Variants in SLC8A1 observed in about 807,000 individuals in gnomAD.
SLC8A1 encodes the protein sodium/calcium exchanger 1.
Under a neutral mutation model 68.3 loss-of-function variants are expected in SLC8A1, and 18 were observed. The ratio of observed to expected loss-of-function variants is 0.26; its 90% CI spans 0.18 to 0.39. The LOEUF is 0.39. Ranked by LOEUF, SLC8A1 falls within the 10% of genes least tolerant of loss-of-function variation. The pLI, the probability that SLC8A1 is intolerant of heterozygous loss-of-function variation, is 1.00. For missense variants in SLC8A1, 985 were observed against 1,156.7 expected, an observed-to-expected ratio of 0.85 and a Z score of 2.15; for synonymous variants, 475 against 415.5, an observed-to-expected ratio of 1.14 and a Z score of -1.74.
At chr2:40,127,008 T>G (rs1435527804) in intron 7 of SLC8A1, among the ~76,000 whole-genome samples, 1 of 152,208 alleles carries the variant, frequency 6.6e-6, no homozygotes, top group Admixed American at 6.5e-5. Flanking sequence ...TTTGTTTTAA[T>G]TTTTTAAATG....
intron 2 of SLC8A1, among the ~76,000 whole-genome samples, chr2:40,287,042 G>T (rs536754587): frequency 3.3e-5 from 5 of 152,086 alleles, no homozygotes; most frequent in African/African-American, 1.2e-4. Context: ...GGAGTAACAG[G>T]TCACCTACCT....
chr2:40,192,124 G>C (rs1028007422), intron 2 of SLC8A1, among the ~76,000 whole-genome samples: 1 of 152,018 alleles, frequency 6.6e-6, no homozygotes, highest in Non-Finnish European at 1.5e-5. Flanking sequence ...CACACTTTAA[G>C]CATTTTCACA....
intron 7 of SLC8A1, among the ~76,000 whole-genome samples, chr2:40,124,412 T>C (rs1207357105): frequency 6.6e-6 from 1 of 152,194 alleles, no homozygotes; most frequent in African/African-American, 2.4e-5. Flanking sequence ...CTATTAAAAG[T>C]AGGCCACTGC....
chr2:40,180,271 T>C (rs1328782481), intron 2 of SLC8A1, among the ~76,000 whole-genome samples: 1 of 152,212 alleles, frequency 6.6e-6, no homozygotes, highest in African/African-American at 2.4e-5. Context: ...TAAACTAGAA[T>C]ATTTAATTTT....
At chr2:40,393,872 T>G (rs1347564613) in intron 2 of SLC8A1, among the ~76,000 whole-genome samples, 3 of 152,126 alleles carry the variant, frequency 2.0e-5, no homozygotes, top group African/African-American at 7.2e-5. Context: ...CAGCTTTTAT[T>G]TTTATGCCTA....
In SLC8A1 at chr2:40,359,790, G is replaced by T. The variant is rs551478967; in HGVS notation, c.1808+68683C>A. ...GAGGCATGGATTCATTGCAGTAGGG[G>T]TACAAAGTAAGAAGCAAGTGTGTGC... On this transcript the variant is annotated intron_variant, in intron 2 of 7. Coordinates refer to ENST00000406785, the Ensembl canonical transcript of SLC8A1. Among the ~76,000 whole-genome samples, 3 of 152,218 alleles carry T rather than the reference G, an allele frequency of 2.0e-5. No individual in the cohort carries two copies. In the East Asian group the frequency reaches 5.8e-4, roughly 29 times the overall value.
rs943651944 is a variant in SLC8A1, at chr2:40,269,483, G to T, written c.1809-91628C>A. ...AAAGGTAGCGAAAAAGTTAGTAGAG[G>T]TGGGCAGACAATAAAACTGATCAGA... On this transcript the variant is annotated intron_variant, in intron 2 of 7. Coordinates refer to ENST00000406785, the Ensembl canonical transcript of SLC8A1. Among the ~76,000 whole-genome samples, 5 of 152,210 alleles carry T rather than the reference G, an allele frequency of 3.3e-5. No homozygotes were observed. In the East Asian group the frequency reaches 7.7e-4, roughly 23 times the overall value.
At chr2:40,119,495 A>G (rs1426594942) in intron 7 of SLC8A1, among the ~76,000 whole-genome samples, 1 of 152,194 alleles carries the variant, frequency 6.6e-6, no homozygotes, top group Non-Finnish European at 1.5e-5. Context: ...ATCACATACC[A>G]TATGTTAGGT....
chr2:40,240,393 G>A (rs2061052116), intron 2 of SLC8A1, among the ~76,000 whole-genome samples: 2 of 152,068 alleles, frequency 1.3e-5, no homozygotes, highest in Admixed American at 6.6e-5. Context: ...GCTTCCTCTC[G>A]GCTGAGCTTT....
chr2:40,435,460 T>C (rs1699208532), intron 1 of SLC8A1, among the ~76,000 whole-genome samples: 1 of 152,140 alleles, frequency 6.6e-6, no homozygotes, highest in African/African-American at 2.4e-5. Context: ...ATACCTAATT[T>C]TCCCTTCCAA....
intron 1 of SLC8A1, among the ~76,000 whole-genome samples, chr2:40,443,190 G>A (rs1700825584): frequency 6.6e-6 from 1 of 152,118 alleles, no homozygotes; most frequent in African/African-American, 2.4e-5. Flanking sequence ...GTTGATAGGT[G>A]CAGCATACCA....
chr2:40,510,023 T>C (rs1706617706), intron 1 of SLC8A1, among the ~76,000 whole-genome samples: 1 of 152,170 alleles, frequency 6.6e-6, no homozygotes, highest in Admixed American at 6.5e-5. Context: ...AGACCGGGTT[T>C]CACTATGTTG....
At chr2:40,346,114 C>T (rs116559132) in intron 2 of SLC8A1, among the ~76,000 whole-genome samples, 294 of 151,060 alleles carry the variant, frequency 1.9e-3, no homozygotes, top group Non-Finnish European at 2.2e-3. Context: ...CCTGTGGTCC[C>T]CTCACCACAC....
intron 2 of SLC8A1, among the ~76,000 whole-genome samples, chr2:40,328,429 C>T (rs913369171): frequency 1.3e-5 from 2 of 152,266 alleles, no homozygotes; most frequent in South Asian, 2.1e-4. Flanking sequence ...CCTCCAACCA[C>T]CACCATGAGA....
chr2:40,272,371 G>A (rs113433769), intron 2 of SLC8A1, among the ~76,000 whole-genome samples: 9 of 152,262 alleles, frequency 5.9e-5, no homozygotes, highest in South Asian at 4.1e-4. Flanking sequence ...GAGGGAGAAA[G>A]GTTCTACCCA....
Position 40,467,684 on chromosome 2 carries a change from C to T in SLC8A1, c.-24-37380G>A, listed in dbSNP as rs555492546. Among the ~76,000 whole-genome samples, 3 of 152,220 alleles carry T rather than the reference C, an allele frequency of 2.0e-5. 1 individual carries two copies. Among genetic ancestry groups the T allele is most frequent in the Admixed American group, 1.3e-4 (2 of 15,284 alleles). The stretch of plus-strand genomic sequence containing the variant: ...GTCGGTCTTGTTATTCCTGTCAGAA[C>T]GCTGTCCACTTTAATTAAATCCCAA... On this transcript the variant is annotated intron_variant, in intron 1 of 7. Transcript: ENST00000402441.
At chr2:40,172,184 T>C (rs1177268149) in intron 4 of SLC8A1, among the ~76,000 whole-genome samples, 1 of 152,190 alleles carries the variant, frequency 6.6e-6, no homozygotes, top group African/African-American at 2.4e-5. Context: ...GCTGTAGACC[T>C]AAGTTTTAGA....
chr2:40,244,756 G>A (rs1441010457), intron 2 of SLC8A1, among the ~76,000 whole-genome samples: 3 of 152,060 alleles, frequency 2.0e-5, no homozygotes, highest in Non-Finnish European at 4.4e-5. Flanking sequence ...GTCAGCCTTG[G>A]GGAGATCAGT....
At chr2:40,429,097 T>C (rs774370343) in exon 2 of SLC8A1, 18 of 1,613,054 alleles carry the variant, frequency 1.1e-5, no homozygotes, top group Admixed American at 1.7e-5. Flanking sequence ...AGTGTTGACC[T>C]CGTGCATGCT....
Sources: allele counts gnomAD v4.1 joint callset (sites outside exome capture counted in the v4.1 genomes callset), GRCh38; gene constraint gnomAD v4.1.1; transcripts MANE v1.5; gene names NCBI Gene and HGNC (gene_info 2026-07-23, HGNC 2026-07-21).